The following GSE1 variants were observed in gnomAD, a reference collection of about 807,000 sequenced individuals.
GSE1 encodes the protein Gse1 coiled-coil protein.
A neutral mutation model predicts 112.6 loss-of-function variants in GSE1; 32 were observed. The observed-to-expected ratio is 0.28, with a 90% confidence interval of 0.21 to 0.38. GSE1 has a LOEUF of 0.38. Ranked by LOEUF, GSE1 falls within the 10% of genes least tolerant of loss-of-function variation. The pLI is 1.00. For missense variants in GSE1, 2,348 were observed against 1,699.2 expected, an observed-to-expected ratio of 1.38 and a Z score of -6.71; for synonymous variants, 1,115 against 735.6, an observed-to-expected ratio of 1.52 and a Z score of -8.35.
chr16:85,633,542 C>T (rs1265854243), intron 1 of GSE1, among the ~76,000 whole-genome samples: 10 of 152,186 alleles, frequency 6.6e-5, no homozygotes, highest in African/African-American at 1.9e-4. Flanking sequence ...ACGCCTCCTC[C>T]GCCTGGGCCT....
chr16:85,565,412 AAAAC>A (rs1465108740), intron 1 of GSE1, among the ~76,000 whole-genome samples: 59 of 151,386 alleles, frequency 3.9e-4, no homozygotes, highest in Non-Finnish European at 5.3e-4. Context: ...AAAACAAAAA[AAAAC>A]AAAAAAACCA....
intron 1 of GSE1, among the ~76,000 whole-genome samples, chr16:85,304,098 C>T (rs1304202249): frequency 6.6e-6 from 1 of 152,224 alleles, no homozygotes; most frequent in African/African-American, 2.4e-5. Flanking sequence ...TGGTGTGTCT[C>T]TCCATGGTTA....
At chr16:85,424,418 G>A (rs948303550) in intron 2 of GSE1, among the ~76,000 whole-genome samples, 3 of 152,196 alleles carry the variant, frequency 2.0e-5, no homozygotes, top group African/African-American at 4.8e-5. Flanking sequence ...CAGCTTGCTG[G>A]GGCCACAGGA....
Position 85,661,627 on chromosome 16 carries a change from C to T in GSE1, c.2122C>T (p.Pro708Ser), listed in dbSNP as rs372508559. Residue 708 changes from proline to serine, a missense_variant, in exon 9 of 16, where the codon CCT (proline) becomes TCT (serine). Physicochemically the swap from Pro to Ser is moderately conservative, Grantham distance 74. Coordinates refer to ENST00000253458, the MANE Select transcript of GSE1 (RefSeq NM_014615.5). ...CGGGGAGCTCAGCGGACCCCTGAAG[C>T]CTGGCTCGCCCTACCGGCCCCCAGT... ...TFGELSGPLK[P>S]GSPYRPPVPR... 6.2e-7 allele frequency: 1 copy of T among 1,611,326 alleles called. No individual in the cohort carries two copies. Among genetic ancestry groups the T allele is most frequent in the African/African-American group, 1.3e-5 (1 of 75,040 alleles).
chr16:85,471,616 G>A (rs2050298438), intron 2 of GSE1, among the ~76,000 whole-genome samples: 1 of 152,148 alleles, frequency 6.6e-6, no homozygotes, highest in Admixed American at 6.5e-5. Context: ...GTCTCGCTAT[G>A]TTGCCCAGAC....
intron 1 of GSE1, among the ~76,000 whole-genome samples, chr16:85,571,892 G>A (rs1398485483): frequency 6.6e-6 from 1 of 152,128 alleles, no homozygotes; most frequent in Non-Finnish European, 1.5e-5. Context: ...TTGGGCGTGG[G>A]GGCACAAACC....
chr16:85,539,336 A>G (rs2044440997), intron 2 of GSE1, among the ~76,000 whole-genome samples: 1 of 152,226 alleles, frequency 6.6e-6, no homozygotes, highest in Admixed American at 6.5e-5. Context: ...TTGTGGGTGC[A>G]GTTAGTCAAG....
In GSE1 at chr16:85,620,886, G is replaced by A. The variant is rs118087509; in HGVS notation, c.7+7488G>A. ...GCTGTGTTGGGGAACCCGTTTAGAG[G>A]GTCTCGGCCCTGGGTCTCTGCTCTG... is the stretch of plus-strand genomic sequence containing the variant. On this transcript the variant is annotated intron_variant, in intron 1 of 15. Coordinates refer to ENST00000253458, the MANE Select transcript of GSE1 (RefSeq NM_014615.5). Among the ~76,000 whole-genome samples the A allele has an allele frequency of 5.9e-5, 9 of 152,220 alleles. No homozygotes were observed. In the East Asian group the frequency reaches 1.6e-3, roughly 26 times the overall value.
chr16:85,661,753 G>T lies in GSE1; in HGVS notation c.2248G>T (p.Ala750Ser), dbSNP rs1041181202. Reference protein sequence around the residue: ...LDLEERRRREAQEKGYYYDLD... With the variant: ...LDLEERRRRESQEKGYYYDLD... The stretch of plus-strand genomic sequence containing the variant: ...CCTGGAGGAGCGCAGGCGGCGGGAG[G>T]CCCAGGAGAAAGGTCTGCCTCCCCG... Residue 750 changes from alanine (A) to serine (S), a missense_variant, in exon 9 of 16, where the codon GCC becomes TCC. Physicochemically the swap from Ala to Ser is moderately conservative, Grantham distance 99 (BLOSUM62 1). Coordinates refer to ENST00000253458, the MANE Select transcript of GSE1 (RefSeq NM_014615.5). 3 of 1,531,762 alleles carry T rather than the reference G, an allele frequency of 2.0e-6. No homozygotes were observed. The highest frequency in any genetic ancestry group is 2.6e-6 in the Non-Finnish European group (3 of 1,135,978). The allele number at this position is 1,531,762 out of a possible 1,614,324, so 94.9% of individuals were successfully genotyped here.
rs1208167180 is a variant in GSE1 at position 85,419,853 on chromosome 16, C to T, written c.2464+62210C>T. Among the ~76,000 whole-genome samples, 2 of 149,702 alleles carry T rather than the reference C, an allele frequency of 1.3e-5. No homozygotes were observed. The highest frequency in any genetic ancestry group is 3.0e-5 in the Non-Finnish European group (2 of 67,462). ...AACTCCACAGGTGAAGTGGAGTGGG[C>T]AGCCAGGGCTGACCACCACTGCTCT... On this transcript the variant is annotated intron_variant, in intron 2 of 2. Coordinates refer to the GSE1 transcript ENST00000637419. This position sits in a 1 kb window ranked among gnomAD's most constrained non-coding sequence, Gnocchi z 6.5.
chr16:85,254,976 C>T (rs1325197059), intron 1 of GSE1, among the ~76,000 whole-genome samples: 1 of 152,222 alleles, frequency 6.6e-6, no homozygotes, highest in Admixed American at 6.5e-5. Flanking sequence ...GATCCCCAGG[C>T]TGGGGAGAAG....
intron 1 of GSE1, among the ~76,000 whole-genome samples, chr16:85,312,204 C>CCG (rs1785806461): frequency 7.2e-5 from 4 of 55,778 alleles, no homozygotes; most frequent in African/African-American, 5.0e-4. Flanking sequence ...GATCCTCTTG[C>CCG]GGGGGGGGGG....
intron 2 of GSE1, among the ~76,000 whole-genome samples, chr16:85,374,079 G>T (rs2047360625): frequency 6.6e-6 from 1 of 152,038 alleles, no homozygotes. Context: ...TGTGTGTGGT[G>T]CTGTATGTGT....
chr16:85,640,070 C>T (rs1200261997), intron 2 of GSE1, among the ~76,000 whole-genome samples: 5 of 152,190 alleles, frequency 3.3e-5, no homozygotes, highest in South Asian at 2.1e-4. Context: ...GGAGAGCCGC[C>T]GTCTGGAGGA....
intron 2 of GSE1, among the ~76,000 whole-genome samples, chr16:85,396,019 C>A (rs1005638406): frequency 6.6e-6 from 1 of 152,238 alleles, no homozygotes; most frequent in Non-Finnish European, 1.5e-5. Context: ...GCTTTTTACC[C>A]CTGAGCTTGC....
chr16:85,484,906 C>T (rs568249106), intron 2 of GSE1, among the ~76,000 whole-genome samples: 1 of 152,334 alleles, frequency 6.6e-6, no homozygotes, highest in East Asian at 1.9e-4. Flanking sequence ...GCTGCCTCAC[C>T]CTGTGCCTGC....
At chr16:85,214,033 C>A (rs1250243471) in intron 1 of GSE1, among the ~76,000 whole-genome samples, 1 of 152,244 alleles carries the variant, frequency 6.6e-6, no homozygotes, top group Non-Finnish European at 1.5e-5. Context: ...CAGGCTGGCA[C>A]CGGCATCGTT....
intron 2 of GSE1, among the ~76,000 whole-genome samples, chr16:85,390,098 T>A (rs1395272310): frequency 6.6e-6 from 1 of 152,262 alleles, no homozygotes; most frequent in Non-Finnish European, 1.5e-5. Flanking sequence ...TTTATCTATT[T>A]ATAAAATTAT....
intron 1 of GSE1, among the ~76,000 whole-genome samples, chr16:85,316,967 C>T (rs905561137): frequency 6.6e-6 from 1 of 152,210 alleles, no homozygotes; most frequent in Non-Finnish European, 1.5e-5. Context: ...GAACCCACCT[C>T]TGTTGGGGGT....
Sources: allele counts gnomAD v4.1 joint callset (sites outside exome capture counted in the v4.1 genomes callset), GRCh38; gene constraint gnomAD v4.1.1; non-coding constraint Gnocchi (gnomAD v3.1); transcripts MANE v1.5; gene names NCBI Gene and HGNC (gene_info 2026-07-23, HGNC 2026-07-21).